Variants in DRC4 observed in about 807,000 individuals in gnomAD.
DRC4 encodes GAS-11.
chr16:90,024,275 G>C, the DRC4 span, among the ~76,000 whole-genome samples: 1 of 151,614 alleles, frequency 6.6e-6, no homozygotes, highest in Non-Finnish European at 1.5e-5. Flanking sequence ...TAAGGAATTA[G>C]AGAGACCGAT....
the DRC4 span, chr16:90,040,243 A>G: frequency 4.6e-5 from 69 of 1,505,012 alleles, no homozygotes; most frequent in Non-Finnish European, 5.8e-5. Context: ...GCATCTTCCC[A>G]GCGAGATGTC....
At chr16:90,035,657 A>T in the DRC4 span, 1 of 1,614,124 alleles carries the variant, frequency 6.2e-7, no homozygotes. Context: ...GATCACCAGG[A>T]TGCGGAATGA....
chr16:90,030,237 G>T, the DRC4 span, among the ~76,000 whole-genome samples: 21,876 of 152,036 alleles, frequency 0.14, 2,580 homozygotes, highest in East Asian at 0.62. Context: ...TTAGCATTAT[G>T]ATATGAATTT....
chr16:90,030,011 C>G, the DRC4 span: 1 of 152,248 alleles, frequency 6.6e-6, no homozygotes, highest in Non-Finnish European at 1.5e-5. Context: ...CCTGTCTCTG[C>G]CTCCCAAAGT....
the DRC4 span, chr16:90,027,915 G>A: frequency 5.1e-6 from 3 of 589,696 alleles, no homozygotes; most frequent in Admixed American, 3.0e-5. Context: ...GAAAGGTAGT[G>A]CAGCCTGTGA....
the DRC4 span, among the ~76,000 whole-genome samples, chr16:90,028,173 ATTTTTTTTT>A: frequency 1.3e-3 from 80 of 63,850 alleles, 1 homozygote; most frequent in East Asian, 0.023. Flanking sequence ...TTAATCGTTC[ATTTTTTTTT>A]TTTTTTTTTT....
chr16:90,022,782 C>G, the DRC4 span: 1 of 1,299,624 alleles, frequency 7.7e-7, no homozygotes, highest in Admixed American at 3.7e-5. Flanking sequence ...GACCTCGGGG[C>G]AGGGAGGCCT....
chr16:90,039,391 T>C, the DRC4 span, among the ~76,000 whole-genome samples: 2 of 150,824 alleles, frequency 1.3e-5, no homozygotes, highest in Non-Finnish European at 2.9e-5. Flanking sequence ...ATTTATTTAT[T>C]TATTTATTTT....
At chr16:90,036,608 G>A in the DRC4 span, 27 of 1,554,176 alleles carry the variant, frequency 1.7e-5, no homozygotes, top group Admixed American at 3.9e-5. Flanking sequence ...GGGCTGGGCT[G>A]GGGAGGCACA....
At chr16:90,037,869 C>T in the DRC4 span, 2 of 1,607,602 alleles carry the variant, frequency 1.2e-6, no homozygotes, top group Non-Finnish European at 8.5e-7. Flanking sequence ...CCACGCTGGC[C>T]CTGCAGTTGG....
chr16:90,032,968 C>T, the DRC4 span: 2,574 of 1,555,012 alleles, frequency 1.7e-3, 36 homozygotes, highest in African/African-American at 0.031. Context: ...GTTGTTGGGA[C>T]GGCAAGCCTA....
the DRC4 span, among the ~76,000 whole-genome samples, chr16:90,025,028 T>C: frequency 6.6e-6 from 1 of 150,938 alleles, no homozygotes; most frequent in African/African-American, 2.4e-5. Context: ...TTTTTTTTTT[T>C]TTTTTTGAGG....
the DRC4 span, chr16:90,042,264 C>CA: frequency 1.6e-6 from 1 of 618,600 alleles, no homozygotes; most frequent in African/African-American, 1.8e-5. Context: ...GCAGGTTGTG[C>CA]AAGCTCCCAG....
At chr16:90,027,082 T>G in the DRC4 span, among the ~76,000 whole-genome samples, 1 of 143,212 alleles carries the variant, frequency 7.0e-6, no homozygotes, top group Non-Finnish European at 1.5e-5. Context: ...CTGGCTAGGT[T>G]TCCTCTCTTT....
chr16:90,029,354 G>T, the DRC4 span: 1 of 1,326,868 alleles, frequency 7.5e-7, no homozygotes, highest in Non-Finnish European at 1.0e-6. Flanking sequence ...TGTTCACTGG[G>T]GAGTGCCTTG....
chr16:90,033,002 T>A, the DRC4 span: 1 of 1,224,864 alleles, frequency 8.2e-7, no homozygotes, highest in Non-Finnish European at 1.2e-6. Flanking sequence ...TCCTGTTTAT[T>A]CAACAGCAAC....
the DRC4 span, chr16:90,044,652 G>A: frequency 4.3e-6 from 2 of 468,398 alleles, no homozygotes; most frequent in African/African-American, 2.0e-5. Flanking sequence ...TGCAGAGATG[G>A]GGACCAGAAG....
the DRC4 span, chr16:90,044,903 G>T: frequency 3.6e-5 from 8 of 220,878 alleles, no homozygotes; most frequent in Non-Finnish European, 7.3e-5. Flanking sequence ...TATTTTTCCA[G>T]ATTTTCTCTA....
At chr16:90,024,058 T>A in the DRC4 span, among the ~76,000 whole-genome samples, 1 of 148,614 alleles carries the variant, frequency 6.7e-6, no homozygotes, top group African/African-American at 2.5e-5. Flanking sequence ...GGTGGGTGGA[T>A]CACTTGAGGC....
Sources: gnomAD v4.1 joint callset for allele counts (sites outside exome capture counted in the v4.1 genomes callset) on GRCh38, gnomAD v4.1.1 for gene constraint, MANE v1.5 for transcripts, NCBI Gene and HGNC (gene_info 2026-07-23, HGNC 2026-07-21) for gene names.